Variants in ASCC3 observed in about 807,000 individuals in gnomAD.
The protein encoded by ASCC3 is activating signal cointegrator 1 complex subunit 3.
ASCC3 carries 158 observed loss-of-function variants against 256.3 expected under a neutral mutation model. That is an observed-to-expected ratio of 0.62 (90% CI 0.54 to 0.70). The LOEUF (loss-of-function observed/expected upper bound fraction) is 0.70, where lower values mean the gene tolerates loss of function less well. Among genes scored for constraint, ASCC3 ranks in the 30% least tolerant of loss-of-function variants. The probability of loss-of-function intolerance (pLI) is 0.00; values close to 1 mark genes in which losing one functional copy is unlikely to be tolerated. For missense variants in ASCC3, 2,259 were observed against 2,626.0 expected (o/e 0.86, Z 3.05); for synonymous variants, 948 against 883.4 (o/e 1.07, Z -1.30).
intron 14 of ASCC3, among the ~76,000 whole-genome samples, chr6:100,665,708 C>G (rs1046497436): frequency 9.9e-5 from 15 of 150,984 alleles, no homozygotes; most frequent in Non-Finnish European, 2.2e-4. Flanking sequence ...TCACTGAACT[C>G]CAGCCTGGGC....
At chr6:100,630,267 C>G (rs1401576022) in intron 26 of ASCC3, among the ~76,000 whole-genome samples, 2 of 152,046 alleles carry the variant, frequency 1.3e-5, no homozygotes, top group Admixed American at 6.6e-5. Flanking sequence ...ATAATGTTCA[C>G]AAAGTATTTA....
At chr6:100,841,903 A>G (rs1280517620) in intron 4 of ASCC3, among the ~76,000 whole-genome samples, 2 of 152,200 alleles carry the variant, frequency 1.3e-5, no homozygotes, top group Non-Finnish European at 2.9e-5. Context: ...CTTCATTAGA[A>G]TAAGTATACC....
intron 2 of ASCC3, among the ~76,000 whole-genome samples, chr6:100,865,655 T>A (rs984202484): frequency 1.3e-5 from 2 of 152,190 alleles, no homozygotes; most frequent in African/African-American, 2.4e-5. Flanking sequence ...TAAAACTGCA[T>A]AAGGACTTTT....
chr6:100,739,033 A>G (rs1780307796), intron 10 of ASCC3, among the ~76,000 whole-genome samples: 1 of 152,178 alleles, frequency 6.6e-6, no homozygotes, highest in Non-Finnish European at 1.5e-5. Flanking sequence ...TTCAAGGGGA[A>G]TGCTTCCAGC....
chr6:100,559,412 G>A (rs923033330), intron 36 of ASCC3, among the ~76,000 whole-genome samples: 3 of 151,994 alleles, frequency 2.0e-5, no homozygotes, highest in Non-Finnish European at 2.9e-5. Flanking sequence ...AACCATTAGC[G>A]GACCACATTT....
rs1323043552 is a variant in ASCC3 at position 100,601,795 on chromosome 6, T to C, written c.5303+15A>G. 3 of 1,611,550 alleles carry C rather than the reference T, an allele frequency of 1.9e-6. No individual in the cohort carries two copies. Among genetic ancestry groups the C allele is most frequent in the Non-Finnish European group, 8.5e-7 (1 of 1,178,258 alleles). On this transcript the variant is annotated intron_variant, in intron 34 of 41. Transcript: ENST00000369162. ...GGGGCAAAACAGAAAGGTATATAAC[T>C]GCCCTTGCACTTACCTGGGATTCAT...
chr6:100,719,421 A>G (rs1221362964), intron 11 of ASCC3, among the ~76,000 whole-genome samples: 1 of 152,058 alleles, frequency 6.6e-6, no homozygotes, highest in Non-Finnish European at 1.5e-5. Flanking sequence ...TGATTTGGAA[A>G]GAAATGAAAG....
At chr6:100,699,377 A>G (rs960964131) in intron 13 of ASCC3, among the ~76,000 whole-genome samples, 2 of 152,110 alleles carry the variant, frequency 1.3e-5, no homozygotes, top group African/African-American at 4.8e-5. Flanking sequence ...TCCATGTAAG[A>G]CATGACTTGC....
chr6:100,724,734 T>G (rs1157061377), intron 11 of ASCC3, among the ~76,000 whole-genome samples: 1 of 151,854 alleles, frequency 6.6e-6, no homozygotes, highest in South Asian at 2.1e-4. Flanking sequence ...CTATTTCCAT[T>G]TCAGTACAAA....
rs1351624983 is a variant in ASCC3, at chr6:100,655,602, C to T, written c.2823+97G>A. 1.0e-5 allele frequency: 14 copies of T among 1,406,682 alleles called. 1 individual carries two copies. In the South Asian group the frequency reaches 1.7e-4, roughly 17 times the overall value. The allele number at this position is 1,406,682 out of a possible 1,614,324, so 87.1% of individuals were successfully genotyped here. A position where few individuals can be genotyped will look rare whatever the true frequency, so the allele number is the denominator to read the frequency against. ...TGTTTTTCTTCTAGGTACCTCTTTT[C>T]AGATGAGGCAAGAGCAGCAAACAAA... On this transcript the variant is annotated intron_variant, in intron 17 of 41. Coordinates refer to ENST00000369162, the MANE Select transcript of ASCC3 (RefSeq NM_006828.4).
chr6:100,837,078 A>G (rs1472721961), intron 4 of ASCC3, among the ~76,000 whole-genome samples: 1 of 152,080 alleles, frequency 6.6e-6, no homozygotes, highest in Non-Finnish European at 1.5e-5. Context: ...ATCTGAATAG[A>G]CATTTCTGAA....
chr6:100,535,943 G>C (rs971751861), intron 37 of ASCC3, among the ~76,000 whole-genome samples: 4 of 152,050 alleles, frequency 2.6e-5, no homozygotes, highest in Admixed American at 2.6e-4. Flanking sequence ...TTTTATATGA[G>C]GGAATATAGT....
chr6:100,872,858 C>T (rs1309410825), intron 1 of ASCC3, among the ~76,000 whole-genome samples: 1 of 152,158 alleles, frequency 6.6e-6, no homozygotes, highest in African/African-American at 2.4e-5. Context: ...ATCAAGGGAA[C>T]ACCCCGTGGG....
intron 13 of ASCC3, among the ~76,000 whole-genome samples, chr6:100,706,509 A>C (rs1302648441): frequency 6.6e-6 from 1 of 151,814 alleles, no homozygotes; most frequent in East Asian, 1.9e-4. Context: ...ATAATCAATG[A>C]CTACTATGAA....
intron 10 of ASCC3, among the ~76,000 whole-genome samples, chr6:100,751,443 T>C (rs1170136593): frequency 6.6e-6 from 1 of 151,934 alleles, no homozygotes; most frequent in Admixed American, 6.6e-5. Flanking sequence ...CCCAGACCCC[T>C]ACCACAGCTT....
At chr6:100,786,937 T>A (rs1269145897) in intron 8 of ASCC3, among the ~76,000 whole-genome samples, 1 of 152,130 alleles carries the variant, frequency 6.6e-6, no homozygotes, top group Non-Finnish European at 1.5e-5. Context: ...GGAATTTAAA[T>A]CTTTATCTTA....
At chr6:100,760,485 A>T (rs374272447) in intron 10 of ASCC3, among the ~76,000 whole-genome samples, 6 of 152,294 alleles carry the variant, frequency 3.9e-5, no homozygotes, top group Non-Finnish European at 5.9e-5. Context: ...AGCCAACTTG[A>T]TCGTTGTGGA....
chr6:100,858,979 T>G (rs1436650229), intron 3 of ASCC3: 2 of 669,402 alleles, frequency 3.0e-6, no homozygotes, highest in East Asian at 5.4e-5. Flanking sequence ...CATTATGACA[T>G]TCTCCATTAA....
chr6:100,713,166 C>T (rs1376752736), intron 13 of ASCC3, among the ~76,000 whole-genome samples: 2 of 152,118 alleles, frequency 1.3e-5, no homozygotes, highest in African/African-American at 4.8e-5. Flanking sequence ...AACTTGGAAG[C>T]AACCAATATG....
Sources: gnomAD v4.1 joint callset for allele counts (sites outside exome capture counted in the v4.1 genomes callset) on GRCh38, gnomAD v4.1.1 for gene constraint, MANE v1.5 for transcripts, NCBI Gene and HGNC (gene_info 2026-07-23, HGNC 2026-07-21) for gene names.